GABRA2: variants seen among roughly 807,000 people sequenced by gnomAD.
The protein encoded by GABRA2 is gamma-aminobutyric acid receptor subunit alpha-2.
A neutral mutation model predicts 48.7 loss-of-function variants in GABRA2; 16 were observed. The ratio of observed to expected loss-of-function variants is 0.33; its 90% CI spans 0.22 to 0.50. The LOEUF (loss-of-function observed/expected upper bound fraction) is 0.50, where lower values mean the gene tolerates loss of function less well. Among genes scored for constraint, GABRA2 ranks in the 20% least tolerant of loss-of-function variants. GABRA2 has a pLI of 0.98. For missense variants in GABRA2, 275 were observed against 535.6 expected (o/e 0.51, Z 4.80); for synonymous variants, 185 against 184.5 (o/e 1.00, Z -0.02).
intron 4 of GABRA2, among the ~76,000 whole-genome samples, chr4:46,332,037 G>A (rs547401488): frequency 1.4e-4 from 22 of 152,074 alleles, no homozygotes; most frequent in African/African-American, 5.1e-4. Flanking sequence ...TCATTTTAAA[G>A]AAAAAATAAA....
intron 3 of GABRA2, among the ~76,000 whole-genome samples, chr4:46,362,272 C>A (rs889254657): frequency 6.6e-6 from 1 of 152,134 alleles, no homozygotes; most frequent in African/African-American, 2.4e-5. Flanking sequence ...CTCATGAGAT[C>A]TGATGATTTT....
rs1718011248 is a variant in GABRA2 at position 46,389,848 on chromosome 4, A to AGAGAGG, written c.-125_-124insCCTCTC. 2.0e-6 allele frequency: 2 copies of AGAGAGG among 979,952 alleles called. No individual in the cohort carries two copies. The highest frequency in any genetic ancestry group is 2.4e-6 in the Non-Finnish European group (2 of 827,912). The allele number at this position is 979,952 out of a possible 1,614,324, so 60.7% of individuals were successfully genotyped here. ...GAGAGAGAGAGAGAGAGAGAGAGAG[A>AGAGAGG]GAGAGAGAGAGAGACCGAGACTGCA... On this transcript the variant is annotated 5_prime_UTR_variant, in exon 1 of 10. Transcript: ENST00000381620.
At chr4:46,351,138 G>T (rs1245126375) in intron 3 of GABRA2, among the ~76,000 whole-genome samples, 5 of 151,598 alleles carry the variant, frequency 3.3e-5, no homozygotes, top group Admixed American at 1.3e-4. Context: ...GGAAGACGGG[G>T]GGCTATTAAC....
At chr4:46,253,046 TAGA>T (rs1271537906) in intron 9 of GABRA2, among the ~76,000 whole-genome samples, 1 of 151,450 alleles carries the variant, frequency 6.6e-6, no homozygotes, top group Non-Finnish European at 1.5e-5. Flanking sequence ...ATGTGTTAGG[TAGA>T]AGAAGACAAA....
At chr4:46,267,626 G>A (rs1423526549) in intron 8 of GABRA2, among the ~76,000 whole-genome samples, 1 of 151,994 alleles carries the variant, frequency 6.6e-6, no homozygotes, top group East Asian at 1.9e-4. Context: ...TATTGTTGAA[G>A]TACTTATTGT....
chr4:46,285,460 C>G (rs1301438387), intron 8 of GABRA2, among the ~76,000 whole-genome samples: 1 of 152,038 alleles, frequency 6.6e-6, no homozygotes, highest in East Asian at 1.9e-4. Context: ...ATCTATTTAT[C>G]TCAACTCTGT....
chr4:46,268,614 T>C (rs1026944495), intron 8 of GABRA2, among the ~76,000 whole-genome samples: 5 of 151,924 alleles, frequency 3.3e-5, no homozygotes, highest in Non-Finnish European at 5.9e-5. Flanking sequence ...ATAACTCTTA[T>C]GGAAAACAGT....
At chr4:46,358,650 C>CT (rs769397302) in intron 3 of GABRA2, among the ~76,000 whole-genome samples, 3 of 152,094 alleles carry the variant, frequency 2.0e-5, no homozygotes, top group Non-Finnish European at 4.4e-5. Flanking sequence ...TGGGTTAGTT[C>CT]TTGTATAGAA....
intron 8 of GABRA2, among the ~76,000 whole-genome samples, chr4:46,293,040 C>T (rs111978316): frequency 0.016 from 2,380 of 152,254 alleles, 65 homozygotes; most frequent in African/African-American, 0.055. Flanking sequence ...TAATGGACAG[C>T]AGAGGCACAG....
intron 3 of GABRA2, among the ~76,000 whole-genome samples, chr4:46,382,963 T>C (rs545511307): frequency 1.3e-5 from 2 of 152,290 alleles, no homozygotes; most frequent in East Asian, 3.9e-4. Context: ...TTGAGCCCAT[T>C]TTTCCCTTAT....
At chr4:46,267,514 A>T in intron 8 of GABRA2, among the ~76,000 whole-genome samples, 1 of 151,524 alleles carries the variant, frequency 6.6e-6, no homozygotes, top group Non-Finnish European at 1.5e-5. Flanking sequence ...GCTTCTCTTT[A>T]TTTTGGATGT....
chr4:46,293,199 A>G (rs1196461643), intron 8 of GABRA2, among the ~76,000 whole-genome samples: 6 of 152,152 alleles, frequency 3.9e-5, no homozygotes. Context: ...ACAAAAGACT[A>G]ATTTGGAATT....
intron 6 of GABRA2, 65 bp from the exon 7 acceptor site, chr4:46,305,776 A>AACGGT: frequency 1.7e-6 from 2 of 1,198,530 alleles, no homozygotes; most frequent in Non-Finnish European, 1.2e-6. Context: ...GTGCTACACG[A>AACGGT]ACGGTTGTGT....
chr4:46,389,714 G>A (rs1717968160), intron 1 of GABRA2, 21 bp downstream of exon 1: 3 of 983,356 alleles, frequency 3.1e-6, no homozygotes, highest in Non-Finnish European at 3.6e-6. Flanking sequence ...TCTCTATCGG[G>A]ACCAACGTGT....
chr4:46,304,327 A>T (rs1445410483), intron 7 of GABRA2, among the ~76,000 whole-genome samples: 3 of 152,218 alleles, frequency 2.0e-5, no homozygotes, highest in Admixed American at 1.3e-4. Flanking sequence ...CCAATTCTGA[A>T]TTTCTCACTG....
intron 3 of GABRA2, among the ~76,000 whole-genome samples, chr4:46,374,932 A>T (rs1333169647): frequency 6.6e-6 from 1 of 152,110 alleles, no homozygotes; most frequent in East Asian, 1.9e-4. Flanking sequence ...ATATTTATTA[A>T]ATGGATGCTC....
intron 3 of GABRA2, chr4:46,369,066 C>T (rs967339586): frequency 2.9e-6 from 2 of 684,466 alleles, no homozygotes; most frequent in African/African-American, 3.6e-5. Flanking sequence ...TCAAATCTAA[C>T]TAAAAGTTAG....
At chr4:46,326,423 G>A (rs937491225) in intron 4 of GABRA2, among the ~76,000 whole-genome samples, 3 of 151,476 alleles carry the variant, frequency 2.0e-5, no homozygotes, top group Non-Finnish European at 2.9e-5. Flanking sequence ...TCCCATTTTG[G>A]CAGAGGGCTG....
intron 8 of GABRA2, among the ~76,000 whole-genome samples, chr4:46,264,456 C>T (rs1717695509): frequency 1.3e-5 from 2 of 151,868 alleles, no homozygotes; most frequent in African/African-American, 4.8e-5. Context: ...CATTTTTTTT[C>T]ACTTTCCATA....
Sources: gnomAD v4.1 joint callset for allele counts (sites outside exome capture counted in the v4.1 genomes callset) on GRCh38, gnomAD v4.1.1 for gene constraint, MANE v1.5 for transcripts, NCBI Gene and HGNC (gene_info 2026-07-23, HGNC 2026-07-21) for gene names.